Variants in TEX264 observed in about 807,000 individuals in gnomAD.
TEX264 encodes testis expressed 264, ER-phagy receptor.
Under a neutral mutation model 23.4 loss-of-function variants are expected in TEX264, and 13 were observed. The ratio of observed to expected loss-of-function variants is 0.56; its 90% CI spans 0.36 to 0.88. The LOEUF (loss-of-function observed/expected upper bound fraction) is 0.88, where lower values mean the gene tolerates loss of function less well. TEX264 is among the 40% of genes least tolerant of loss of function. TEX264 has a pLI of 0.01. For missense variants in TEX264, 340 were observed against 406.8 expected (o/e 0.84, Z 1.41); for synonymous variants, 159 against 170.0 (o/e 0.94, Z 0.50).
At chr3:51,680,772 G>A (rs1392039199) in intron 2 of TEX264, among the ~76,000 whole-genome samples, 1 of 152,202 alleles carries the variant, frequency 6.6e-6, no homozygotes, top group East Asian at 1.9e-4. Flanking sequence ...ATGTCCTAGG[G>A]TTCGGCCCAA....
At chr3:51,684,225 T>C (rs1402227485) in intron 2 of TEX264, 188 bp from the exon 3 acceptor site, 2 of 602,084 alleles carry the variant, frequency 3.3e-6, no homozygotes, top group East Asian at 5.5e-5. Context: ...TGTGGTACGA[T>C]GCCACAGGCA....
intron 2 of TEX264, 88 bp from the exon 3 acceptor site, chr3:51,684,325 G>A (rs1299824004): frequency 1.6e-6 from 2 of 1,220,342 alleles, no homozygotes; most frequent in African/African-American, 1.5e-5. Context: ...GGTTCTTTTA[G>A]GCCTGATCTG....
intron 4 of TEX264, among the ~76,000 whole-genome samples, chr3:51,702,141 C>T (rs1703329532): frequency 6.6e-6 from 1 of 152,252 alleles, no homozygotes; most frequent in Middle Eastern, 3.4e-3. Context: ...GGTGGGCAGA[C>T]AGAACATACA....
In TEX264 at chr3:51,674,537, C is replaced by T. The variant is rs1702167170; in HGVS notation, c.233C>T (p.Ala78Val). ...ATCTCTCCCAAGCTCCGCTCCATCG[C>T]TGTCTACTATGACAACCCCCACATG... ...CSISPKLRSI[A>V]VYYDNPHMVP... The change falls in exon 2 of 5, where the codon GCT becomes GTT. Residue 78 changes from alanine (A) to valine (V), a missense_variant. Physicochemically the swap from Ala to Val is moderately conservative, Grantham distance 64. Coordinates refer to ENST00000341333, the MANE Select transcript of TEX264 (RefSeq NM_015926.6). 6.2e-7 allele frequency: 1 copy of T among 1,614,168 alleles called. No individual in the cohort carries two copies. The highest frequency in any genetic ancestry group is 8.5e-7 in the Non-Finnish European group (1 of 1,180,036).
rs560512616 is a variant in TEX264, at chr3:51,702,083, G to A, written c.650-1641G>A. On this transcript the variant is annotated intron_variant, in intron 4 of 4. Transcript: ENST00000341333. ...TGGGTGGTAGGAGGTAGCATGCTGG[G>A]AAGCAGGCACATTCCTATACCTGGG... Among the ~76,000 whole-genome samples, 10 of 152,282 alleles carry A rather than the reference G, an allele frequency of 6.6e-5. No homozygotes were observed. In the East Asian group the frequency reaches 1.9e-3, roughly 29 times the overall value.
chr3:51,692,528 C>A (rs1406517480), intron 3 of TEX264, among the ~76,000 whole-genome samples: 1 of 152,180 alleles, frequency 6.6e-6, no homozygotes, highest in Non-Finnish European at 1.5e-5. Context: ...CTCTCCATTC[C>A]CACTTGCCCA....
intron 4 of TEX264, 131 bp downstream of exon 4, chr3:51,699,705 A>G: frequency 9.2e-7 from 1 of 1,091,776 alleles, no homozygotes. Context: ...TGGCAGAGGG[A>G]GGAAGGAGAC....
chr3:51,702,328 T>C (rs11919197), intron 4 of TEX264, among the ~76,000 whole-genome samples: 135,186 of 152,276 alleles, frequency 0.89, 60,205 homozygotes, highest in African/African-American at 0.95. Context: ...ATTCACAGGC[T>C]TCTGTCCTGG....
At chr3:51,698,489 G>A (rs375418333) in intron 3 of TEX264, among the ~76,000 whole-genome samples, 3 of 151,328 alleles carry the variant, frequency 2.0e-5, no homozygotes, top group Admixed American at 1.3e-4. Context: ...TGAGTAAGAG[G>A]CAACTTGACC....
At position 51,684,563 on chromosome 3, in the gene TEX264, C is replaced by T; in HGVS notation, c.409C>T (p.Pro137Ser). 1 of 1,614,002 alleles carries T rather than the reference C, an allele frequency of 6.2e-7. No individual in the cohort carries two copies. The highest frequency in any genetic ancestry group is 8.5e-7 in the Non-Finnish European group (1 of 1,179,978). Reference protein sequence around the residue: ...APSHVVTATFPYTTILSIWLA... With the variant: ...APSHVVTATFSYTTILSIWLA... ...CAGCCATGTGGTGACAGCCACCTTC[C>T]CCTACACCACCATTCTGTCCATCTG... is the stretch of plus-strand genomic sequence containing the variant. The change falls in exon 3 of 5, where the codon CCC (proline) becomes TCC (serine). Residue 137 changes from proline (P) to serine (S), a missense_variant. Physicochemically the swap from Pro to Ser is moderately conservative, Grantham distance 74. Transcript: ENST00000341333.
intron 2 of TEX264, among the ~76,000 whole-genome samples, chr3:51,680,708 A>G (rs1289712692): frequency 1.3e-5 from 2 of 152,200 alleles, no homozygotes; most frequent in Non-Finnish European, 2.9e-5. Context: ...CCAGAGAAAT[A>G]GCTGATCTGG....
intron 1 of TEX264, among the ~76,000 whole-genome samples, chr3:51,672,643 A>G (rs1028426604): frequency 9.9e-5 from 15 of 152,138 alleles, no homozygotes; most frequent in African/African-American, 2.9e-4. Context: ...AGGAGAGAGA[A>G]AGTGGAAATG....
In TEX264 at chr3:51,703,956, GC is replaced by G. The variant is rs757732609; in HGVS notation, c.886del (p.Leu296TrpfsTer?). The G allele has an allele frequency of 6.3e-7, 1 of 1,578,666 alleles. No individual in the cohort carries two copies. The highest frequency in any genetic ancestry group is 8.6e-7 in the Non-Finnish European group (1 of 1,157,544). On this transcript the variant is annotated frameshift_variant, in exon 5 of 5. Coordinates refer to ENST00000341333, the MANE Select transcript of TEX264 (RefSeq NM_015926.6). LOFTEE classifies it high-confidence loss of function. The surrounding 1 kb of genome is among the most constrained non-coding windows in gnomAD (Gnocchi z 4.8). ...AGTCACGGCTGGACCCTGGGACTGA[GC>G]CCCTGGGGACTACCAAGTGGCTCTG... ...GESRLDPGTEPLGTTKWLWEP... is the reference protein window; with the variant it reads ...GESRLDPGTEXLGTTKWLWEP...
At chr3:51,676,460 C>T (rs1702233047) in intron 2 of TEX264, among the ~76,000 whole-genome samples, 2 of 152,164 alleles carry the variant, frequency 1.3e-5, no homozygotes, top group Non-Finnish European at 2.9e-5. Context: ...ATGTGGTGGA[C>T]CCCATGGGGT....
chr3:51,676,528 G>A (rs1012403703), intron 2 of TEX264, among the ~76,000 whole-genome samples: 8 of 152,204 alleles, frequency 5.3e-5, no homozygotes, highest in African/African-American at 1.9e-4. Context: ...TTGTCTGGGG[G>A]ACTGTGGCCT....
chr3:51,678,870 A>G (rs910698889), intron 2 of TEX264, among the ~76,000 whole-genome samples: 1 of 152,096 alleles, frequency 6.6e-6, no homozygotes, highest in Non-Finnish European at 1.5e-5. Flanking sequence ...AGGGAGTAGG[A>G]TTTCCCAGGA....
At chr3:51,684,362 G>A (rs776840075) in intron 2 of TEX264, 51 bp from the exon 3 acceptor site, 28 of 1,544,130 alleles carry the variant, frequency 1.8e-5, no homozygotes, top group African/African-American at 2.7e-5. Context: ...AAGGAGGTCT[G>A]AGGGCCTCCT....
At chr3:51,684,096 C>G in intron 2 of TEX264, 1 of 375,370 alleles carries the variant, frequency 2.7e-6, no homozygotes, top group Non-Finnish European at 5.0e-6. Flanking sequence ...GTTCAGAGGT[C>G]CTCTCCGCCC....
chr3:51,685,247 C>T (rs1313915807), intron 3 of TEX264, among the ~76,000 whole-genome samples: 1 of 152,186 alleles, frequency 6.6e-6, no homozygotes, highest in East Asian at 1.9e-4. Context: ...TTAAAACTTG[C>T]CCTGTTACAC....
Sources: allele counts gnomAD v4.1 joint callset (sites outside exome capture counted in the v4.1 genomes callset), GRCh38; gene constraint gnomAD v4.1.1; non-coding constraint Gnocchi (gnomAD v3.1); transcripts MANE v1.5; gene names NCBI Gene and HGNC (gene_info 2026-07-23, HGNC 2026-07-21).